Variants in CCDC85A observed in about 807,000 individuals in gnomAD.
The protein encoded by CCDC85A is coiled-coil domain-containing protein 85A.
A neutral mutation model predicts 50.2 loss-of-function variants in CCDC85A; 38 were observed. The observed-to-expected ratio is 0.76, with a 90% CI of 0.58 to 0.99. The LOEUF is 0.99. Ranked by LOEUF, CCDC85A falls within the 50% of genes least tolerant of loss-of-function variation. The pLI, the probability that CCDC85A is intolerant of heterozygous loss-of-function variation, is 0.00. For synonymous variants in CCDC85A, 366 were observed against 301.4 expected, an observed-to-expected ratio of 1.21 and a Z score of -2.22; for missense variants, 820 against 742.0, an observed-to-expected ratio of 1.11 and a Z score of -1.22.
At chr2:56,217,309 C>G (rs1668105323) in intron 2 of CCDC85A, among the ~76,000 whole-genome samples, 1 of 151,854 alleles carries the variant, frequency 6.6e-6, no homozygotes. Flanking sequence ...GAGGCCTAAT[C>G]TGTGTTGAGC....
At chr2:56,255,890 G>A (rs190140406) in intron 2 of CCDC85A, among the ~76,000 whole-genome samples, 18 of 152,220 alleles carry the variant, frequency 1.2e-4, no homozygotes, top group East Asian at 3.9e-4. Flanking sequence ...AAGAAATACA[G>A]GGTTAACATT....
chr2:56,287,915 G>A (rs1404882584), intron 2 of CCDC85A, among the ~76,000 whole-genome samples: 1 of 152,084 alleles, frequency 6.6e-6, no homozygotes, highest in African/African-American at 2.4e-5. Context: ...TTTCTTTCCT[G>A]TTGTCTTTGA....
intron 3 of CCDC85A, among the ~76,000 whole-genome samples, chr2:56,368,167 C>T (rs1675898809): frequency 6.6e-6 from 1 of 152,170 alleles, no homozygotes; most frequent in Non-Finnish European, 1.5e-5. Context: ...AATGACTATA[C>T]ATCCAGGAAA....
At chr2:56,239,239 T>G (rs1410896371) in intron 2 of CCDC85A, among the ~76,000 whole-genome samples, 1 of 152,014 alleles carries the variant, frequency 6.6e-6, no homozygotes, top group Non-Finnish European at 1.5e-5. Flanking sequence ...GAAAAAGAAA[T>G]AATTAAATGT....
At chr2:56,380,509 A>G (rs1287307648) in intron 5 of CCDC85A, among the ~76,000 whole-genome samples, 2 of 151,290 alleles carry the variant, frequency 1.3e-5, no homozygotes, top group African/African-American at 4.8e-5. Flanking sequence ...GCAGTGAGCT[A>G]TGATCATACC....
At chr2:56,298,223 G>A (rs998396504) in intron 2 of CCDC85A, among the ~76,000 whole-genome samples, 3 of 152,166 alleles carry the variant, frequency 2.0e-5, no homozygotes, top group Admixed American at 2.0e-4. Flanking sequence ...CAGCAGGAGA[G>A]GGAATGCGCG....
intron 2 of CCDC85A, among the ~76,000 whole-genome samples, chr2:56,316,886 A>G (rs956573825): frequency 5.9e-5 from 9 of 152,162 alleles, no homozygotes; most frequent in Admixed American, 5.9e-4. Context: ...AGTATTAACA[A>G]TAGTTGCCAC....
intron 3 of CCDC85A, among the ~76,000 whole-genome samples, chr2:56,359,207 G>A (rs556472763): frequency 1.3e-5 from 2 of 152,244 alleles, no homozygotes; most frequent in Non-Finnish European, 2.9e-5. Flanking sequence ...TGAGTTATCA[G>A]TACTGGGATT....
intron 3 of CCDC85A, among the ~76,000 whole-genome samples, chr2:56,347,301 T>G (rs1674677653): frequency 6.6e-6 from 1 of 152,180 alleles, no homozygotes; most frequent in African/African-American, 2.4e-5. Context: ...TCATAAAATG[T>G]AGGCCTATTC....
rs189607282 is a variant in CCDC85A at position 56,237,126 on chromosome 2, G to T, written c.1240+43686G>T. Among the ~76,000 whole-genome samples, 828 of 152,256 alleles carry T rather than the reference G, an allele frequency of 5.4e-3. 5 individuals are homozygous for T. The highest frequency in any genetic ancestry group is 0.014 in the South Asian group (68 of 4,812). On this transcript the variant is annotated intron_variant, in intron 2 of 5. Transcript: ENST00000407595. ...TATGTTGGGATTCTCTCTGAGGATA[G>T]ACTCAGAATCTGATGGCTTCACCAA...
At chr2:56,294,073 A>G (rs111249085) in intron 2 of CCDC85A, among the ~76,000 whole-genome samples, 2,747 of 152,314 alleles carry the variant, frequency 0.018, 76 homozygotes, top group African/African-American at 0.061. Flanking sequence ...CATCAATGAT[A>G]GAGTGGGTAA....
chr2:56,347,018 T>C (rs1402462186), intron 3 of CCDC85A, among the ~76,000 whole-genome samples: 1 of 152,214 alleles, frequency 6.6e-6, no homozygotes, highest in Non-Finnish European at 1.5e-5. Context: ...ATGGAGTCAC[T>C]CTGAATAATG....
chr2:56,314,523 C>T (rs534063800), intron 2 of CCDC85A, among the ~76,000 whole-genome samples: 57 of 152,210 alleles, frequency 3.7e-4, no homozygotes, highest in African/African-American at 1.3e-3. Flanking sequence ...GTTCCCCCAT[C>T]ATTGCCAAGA....
At chr2:56,257,931 T>C (rs1228620594) in intron 2 of CCDC85A, among the ~76,000 whole-genome samples, 1 of 152,178 alleles carries the variant, frequency 6.6e-6, no homozygotes, top group Non-Finnish European at 1.5e-5. Flanking sequence ...GATGTTGACA[T>C]CATTTTCACC....
At chr2:56,223,511 C>T (rs1668415324) in intron 2 of CCDC85A, among the ~76,000 whole-genome samples, 1 of 152,126 alleles carries the variant, frequency 6.6e-6, no homozygotes, top group Non-Finnish European at 1.5e-5. Context: ...ATAATTCTAT[C>T]TCACTTTCAT....
chr2:56,198,446 A>C (rs1162288385), intron 2 of CCDC85A, among the ~76,000 whole-genome samples: 1 of 152,222 alleles, frequency 6.6e-6, no homozygotes, highest in African/African-American at 2.4e-5. Flanking sequence ...TTCAAACTTC[A>C]ATACTGTAAT....
At chr2:56,365,248 A>G (rs1675732678) in intron 3 of CCDC85A, among the ~76,000 whole-genome samples, 1 of 152,180 alleles carries the variant, frequency 6.6e-6, no homozygotes, top group African/African-American at 2.4e-5. Flanking sequence ...GGCATAATAA[A>G]TGAGGGGTGT....
intron 2 of CCDC85A, among the ~76,000 whole-genome samples, chr2:56,224,844 C>A (rs1668476224): frequency 1.3e-5 from 2 of 152,060 alleles, no homozygotes; most frequent in Middle Eastern, 3.4e-3. Context: ...AGATCTAAGT[C>A]CCTTATCAGA....
At chr2:56,306,967 GATTGAAA>G (rs1483333449) in intron 2 of CCDC85A, among the ~76,000 whole-genome samples, 1 of 152,056 alleles carries the variant, frequency 6.6e-6, no homozygotes, top group Non-Finnish European at 1.5e-5. Context: ...TGGAATGATT[GATTGAAA>G]ATTTAGTATA....
Sources: gnomAD v4.1 joint callset for allele counts (sites outside exome capture counted in the v4.1 genomes callset) on GRCh38, gnomAD v4.1.1 for gene constraint, MANE v1.5 for transcripts, NCBI Gene and HGNC (gene_info 2026-07-23, HGNC 2026-07-21) for gene names.